The following CYP2R1 variants were observed in gnomAD, a reference collection of about 807,000 sequenced individuals.
CYP2R1 encodes the protein cytochrome P450 family 2 subfamily R member 1, also known as vitamin D 25-hydroxylase.
In CYP2R1, 40 loss-of-function variants were observed where a neutral mutation model predicts 45.7. That is an observed-to-expected ratio of 0.87 (90% confidence interval 0.68 to 1.14). The LOEUF is 1.14. Among genes scored for constraint, CYP2R1 ranks in the 50% most tolerant of loss-of-function variants. CYP2R1 has a pLI of 0.00. For synonymous variants in CYP2R1, 234 were observed against 219.3 expected, an observed-to-expected ratio of 1.07 and a Z score of -0.59; for missense variants, 605 against 602.6, an observed-to-expected ratio of 1.00 and a Z score of -0.04.
rs782690240 is a variant in CYP2R1, at chr11:14,879,120, A to T, written c.1324T>A (p.Ser442Thr). ...CCCGTGAAAGTTCTCTTACCTAGGG[A>T]AAAAGGAACCAAAGCTTCCTTCTTG... ...FAKKEALVPF[S>T]LGRRHCLGEH... is the part of the protein sequence containing the mutation. Residue 442 changes from serine (S) to threonine (T), a missense_variant, in exon 4 of 5, where the codon TCC (serine) becomes ACC (threonine). Ser to Thr is a moderately conservative substitution (Grantham distance 58). Coordinates refer to ENST00000334636, the MANE Select transcript of CYP2R1 (RefSeq NM_024514.5). The T allele has an allele frequency of 5.0e-6, 8 of 1,610,310 alleles. No homozygotes were observed. In the South Asian group the frequency reaches 5.5e-5, roughly 11 times the overall value.
intron 2 of CYP2R1, among the ~76,000 whole-genome samples, chr11:14,883,329 AAC>A (rs1848468444): frequency 6.6e-6 from 1 of 152,154 alleles, no homozygotes; most frequent in Non-Finnish European, 1.5e-5. Flanking sequence ...CTGGTACCAA[AAC>A]AGAGATATAG....
In CYP2R1 at chr11:14,878,277, C is replaced by T. The variant is rs782741911; in HGVS notation, c.1351G>A (p.Glu451Lys). Residue 451 changes from glutamate to lysine, a missense_variant, in exon 5 of 5, where the codon GAA becomes AAA. Glu to Lys is a moderately conservative substitution (Grantham distance 56). Transcript: ENST00000334636. ...AACATTTCCATCCGAGCCAAGTGTT[C>T]TCCAAGACAATGTCTTCTTCCTAAA... ...FSLGRRHCLG[E>K]HLARMEMFLF... 3.8e-5 allele frequency: 61 copies of T among 1,612,884 alleles called. No homozygotes were observed. The highest frequency in any genetic ancestry group is 5.2e-5 in the Non-Finnish European group (61 of 1,179,372).
At chr11:14,878,402 G>A (rs1475097087) in intron 4 of CYP2R1, 105 bp from the exon 5 acceptor site, 1 of 1,082,778 alleles carries the variant, frequency 9.2e-7, no homozygotes, top group African/African-American at 1.6e-5. Context: ...TTTAAACAAA[G>A]AAAGAGGGAA....
At chr11:14,891,569 C>T in intron 1 of CYP2R1, 4 of 1,031,168 alleles carry the variant, frequency 3.9e-6, no homozygotes, top group Non-Finnish European at 4.7e-6. Context: ...CCTTGATTTT[C>T]CGACAAGCCG....
intron 1 of CYP2R1, chr11:14,891,668 G>A (rs1848863400): frequency 3.3e-5 from 39 of 1,169,072 alleles, no homozygotes; most frequent in Non-Finnish European, 4.1e-5. Flanking sequence ...GTGGCGGCGC[G>A]GCTGGCGAGC....
chr11:14,890,911 C>G, intron 1 of CYP2R1: 1 of 985,434 alleles, frequency 1.0e-6, no homozygotes, highest in Non-Finnish European at 1.2e-6. Flanking sequence ...TGAAATACCA[C>G]AGTTGCCAAA....
intron 2 of CYP2R1, among the ~76,000 whole-genome samples, chr11:14,885,046 C>CT (rs1244013750): frequency 2.0e-5 from 3 of 151,998 alleles, no homozygotes; most frequent in African/African-American, 4.8e-5. Flanking sequence ...TAATTTTTGC[C>CT]TTTTCAACCA....
At chr11:14,891,067 A>C in intron 1 of CYP2R1, 1 of 985,322 alleles carries the variant, frequency 1.0e-6, no homozygotes, top group African/African-American at 1.7e-5. Flanking sequence ...GTTGCATATA[A>C]ATAAGTGTAA....
Position 14,880,091 on chromosome 11 carries a change from C to T in CYP2R1, c.1000+45G>A, listed in dbSNP as rs375470729. The T allele has an allele frequency of 2.2e-5, 36 of 1,603,266 alleles. No individual in the cohort carries two copies. In the African/African-American group the frequency reaches 2.6e-4, roughly 11 times the overall value. On this transcript the variant is annotated intron_variant, in intron 3 of 4. Coordinates refer to ENST00000334636, the MANE Select transcript of CYP2R1 (RefSeq NM_024514.5). ...CCAAGACTCAAAAACATGTATGAACCCTACATGTAAGGATAGACCCTGAGA... is the reference window on the plus strand; with the variant it reads ...CCAAGACTCAAAAACATGTATGAACTCTACATGTAAGGATAGACCCTGAGA...
rs149652378 is a variant in CYP2R1 at position 14,879,142 on chromosome 11, C to T, written c.1302G>A (p.Lys434=). Residue 434 remains lysine, a synonymous_variant, in exon 4 of 5, where the codon AAG becomes AAA. Coordinates refer to ENST00000334636, the MANE Select transcript of CYP2R1 (RefSeq NM_024514.5). ...RFLDSSGYFA[K]KEALVPFSLG... is the part of the protein sequence containing the mutation. The stretch of plus-strand genomic sequence containing the variant: ...GGGAAAAAGGAACCAAAGCTTCCTT[C>T]TTGGCAAAATATCCACTGCTGTCCA... 1.1e-5 allele frequency: 18 copies of T among 1,613,056 alleles called. 1 individual carries two copies. In the African/African-American group the frequency reaches 1.7e-4, roughly 16 times the overall value.
At chr11:14,878,362 A>C in intron 4 of CYP2R1, 65 bp from the exon 5 acceptor site, 3 of 1,444,116 alleles carry the variant, frequency 2.1e-6, no homozygotes, top group South Asian at 1.2e-5. Context: ...TTAATGTCTA[A>C]TATTTGGATG....
chr11:14,886,143 C>G (rs1848613341), intron 1 of CYP2R1: 2 of 544,984 alleles, frequency 3.7e-6, no homozygotes, highest in South Asian at 2.0e-5. Flanking sequence ...ACAGTCTTAC[C>G]AACAGTATAA....
At chr11:14,891,597 G>A (rs1465808153) in intron 1 of CYP2R1, 4 of 1,060,882 alleles carry the variant, frequency 3.8e-6, no homozygotes, top group Non-Finnish European at 4.6e-6. Flanking sequence ...CTTCCACAGA[G>A]CTGCGAGGCC....
chr11:14,890,834 C>T (rs1350014080), intron 1 of CYP2R1: 10 of 983,860 alleles, frequency 1.0e-5, no homozygotes, highest in Non-Finnish European at 1.2e-5. Flanking sequence ...AGGCGTGAGC[C>T]ACCGCGCCCG....
At chr11:14,890,464 C>T (rs1168962442) in intron 1 of CYP2R1, 7 of 979,718 alleles carry the variant, frequency 7.1e-6, no homozygotes, top group Non-Finnish European at 8.5e-6. Context: ...CCTTTAACAA[C>T]GTAAACTATT....
chr11:14,891,100 C>T, intron 1 of CYP2R1: 3 of 985,472 alleles, frequency 3.0e-6, no homozygotes, highest in Non-Finnish European at 3.6e-6. Flanking sequence ...CAGGTGAGCT[C>T]TGTCCCAGGA....
At position 14,885,897 on chromosome 11, in the gene CYP2R1, T is replaced by C; in HGVS notation, c.246A>G (p.Gly82=). 6.2e-7 allele frequency: 1 copy of C among 1,613,476 alleles called. No individual in the cohort carries two copies. The highest frequency in any genetic ancestry group is 1.1e-5 in the South Asian group (1 of 91,046). Residue 82 remains glycine, a synonymous_variant, in exon 2 of 5, where the codon GGA becomes GGG. Transcript: ENST00000334636. ...CATTTAGAACCACAGTTGATATGCCTCCAAGATCTAAACTGAAGATCTTTG... is the reference window on the plus strand; with the variant it reads ...CATTTAGAACCACAGTTGATATGCCCCCAAGATCTAAACTGAAGATCTTTG... ...VYGEIFSLDL[G]GISTVVLNGY... is the part of the protein sequence containing the mutation.
chr11:14,883,665 A>G (rs1371141859), intron 2 of CYP2R1, among the ~76,000 whole-genome samples: 22 of 152,244 alleles, frequency 1.4e-4, no homozygotes, highest in African/African-American at 4.8e-4. Context: ...AATGGCAACA[A>G]AAGACAAAAT....
intron 1 of CYP2R1, among the ~76,000 whole-genome samples, chr11:14,888,783 C>T (rs1352957714): frequency 6.6e-6 from 1 of 152,192 alleles, no homozygotes; most frequent in Non-Finnish European, 1.5e-5. Flanking sequence ...ATAAAGTTCT[C>T]AATAAATGCT....
Sources: gnomAD v4.1 joint callset for allele counts (sites outside exome capture counted in the v4.1 genomes callset) on GRCh38, gnomAD v4.1.1 for gene constraint, MANE v1.5 for transcripts, NCBI Gene and HGNC (gene_info 2026-07-23, HGNC 2026-07-21) for gene names.